The following SLC12A5 variants were observed in gnomAD, a reference collection of about 807,000 sequenced individuals.
SLC12A5 encodes K-Cl cotransporter 2.
Under a neutral mutation model 124.0 loss-of-function variants are expected in SLC12A5, and 18 were observed. That is an observed-to-expected ratio of 0.15 (90% CI 0.10 to 0.22). SLC12A5 has a LOEUF of 0.22. Among genes scored for constraint, SLC12A5 ranks in the 10% least tolerant of loss-of-function variants. The pLI is 1.00. For synonymous variants in SLC12A5, 589 were observed against 568.0 expected (o/e 1.04, Z -0.53); for missense variants, 867 against 1,478.7 (o/e 0.59, Z 6.78).
At position 46,041,245 on chromosome 20, in the gene SLC12A5, T is replaced by C. The variant is rs1299732878; in HGVS notation, c.855-84T>C. 1.1e-5 allele frequency: 14 copies of C among 1,228,232 alleles called. No individual in the cohort carries two copies. The East Asian group carries it at 3.2e-4, about 28-fold the overall frequency. 76.1% of individuals were successfully genotyped at this position (1,228,232 alleles called of 1,614,324 possible). Reference sequence around the variant, plus strand: ...ATATGGGGACCTGGCGTCCGTGTGTTTAAAAGGTCTCCCGGTGGCTGTATT... The same window carrying C: ...ATATGGGGACCTGGCGTCCGTGTGTCTAAAAGGTCTCCCGGTGGCTGTATT... On this transcript the variant is annotated intron_variant, in intron 7 of 25. Transcript: ENST00000243964.
rs748582718 is a variant in SLC12A5, at chr20:46,057,218, G to A, written c.3174G>A (p.Glu1058=). The part of the protein sequence containing the change: ...RRMHTAVRLN[E]VIVKKSRDAK... ...TGCACACGGCCGTGCGGCTGAACGA[G>A]GTCATCGTGAAGAAATCCCGGGACG... is the stretch of plus-strand genomic sequence containing the variant. Residue 1058 remains glutamate (E), a synonymous_variant, in exon 25 of 26, where the codon GAG becomes GAA. Transcript: ENST00000243964. The surrounding 1 kb of genome is among the most constrained non-coding windows in gnomAD (Gnocchi z 7.1). 5 of 1,614,208 alleles carry A rather than the reference G, an allele frequency of 3.1e-6. 1 individual carries two copies. In the South Asian group the frequency reaches 4.4e-5, roughly 14 times the overall value.
In SLC12A5 at chr20:46,029,366, T is replaced by A; in HGVS notation, c.22T>A (p.Cys8Ser). Residue 8 changes from cysteine to serine, a missense_variant, in exon 1 of 26, where the codon TGC becomes AGC. Transcript: ENST00000243964. ...CACCATGCTAAACAACCTGACGGAC[T>A]GCGAGGACGGCGATGGGGGAGCCAA... MLNNLTD[C>S]EDGDGGANPG... 1 of 1,540,880 alleles carries A rather than the reference T, an allele frequency of 6.5e-7. No homozygotes were observed. Among genetic ancestry groups the A allele is most frequent in the Non-Finnish European group, 8.8e-7 (1 of 1,141,596 alleles).
chr20:46,035,336 G>T, intron 2 of SLC12A5, 68 bp from the exon 3 acceptor site: 1 of 1,560,956 alleles, frequency 6.4e-7, no homozygotes, highest in Non-Finnish European at 8.7e-7. Flanking sequence ...CTCTTCCTCT[G>T]CCCTTCGCCA....
intron 1 of SLC12A5, among the ~76,000 whole-genome samples, chr20:46,031,476 T>C (rs1429907800): frequency 1.3e-5 from 2 of 152,306 alleles, no homozygotes; most frequent in East Asian, 3.9e-4. Context: ...CAAGAGCCCC[T>C]GACATCTCTG....
intron 5 of SLC12A5, 92 bp from the exon 6 acceptor site, chr20:46,037,163 A>T: frequency 6.7e-7 from 1 of 1,486,816 alleles, no homozygotes. Context: ...GCCTGGAGCA[A>T]CCCCCTTCTG....
Position 46,047,993 on chromosome 20 carries a change from G to A in SLC12A5, c.1920G>A (p.Glu640=), listed in dbSNP as rs777473085. ...TCCCGGCTCCCAGGGCAGAGAAGGA[G>A]TGGGGCGATGGGATACGAGGTCTGT... ...KYIEYRGAEK[E]WGDGIRGLSL... Residue 640 remains glutamate, a synonymous_variant, in exon 16 of 26, where the codon GAG becomes GAA. Transcript: ENST00000243964. 2 of 1,610,982 alleles carry A rather than the reference G, an allele frequency of 1.2e-6. No homozygotes were observed. The highest frequency in any genetic ancestry group is 1.7e-6 in the Non-Finnish European group (2 of 1,178,764).
chr20:46,042,220 A>G (rs1272185459), intron 8 of SLC12A5, among the ~76,000 whole-genome samples: 2 of 152,048 alleles, frequency 1.3e-5, no homozygotes, highest in East Asian at 3.9e-4. Context: ...CATTTTGGAG[A>G]GTTGGGACCA....
At chr20:46,052,526 T>C (rs2084655368) in intron 18 of SLC12A5, among the ~76,000 whole-genome samples, 1 of 152,084 alleles carries the variant, frequency 6.6e-6, no homozygotes, top group Non-Finnish European at 1.5e-5. Context: ...AACTACAGAG[T>C]AAATGAAAAA....
chr20:46,052,575 T>G (rs1273496753), intron 18 of SLC12A5, among the ~76,000 whole-genome samples: 2 of 152,244 alleles, frequency 1.3e-5, no homozygotes, highest in African/African-American at 2.4e-5. Context: ...AGCCAGGTTT[T>G]GAACCAGCCC....
chr20:46,022,088 C>A, intron 1 of SLC12A5: 9 of 382,318 alleles, frequency 2.4e-5, no homozygotes, highest in Admixed American at 6.8e-5. Context: ...GGGGAGGGGC[C>A]AAACGCGAGG....
chr20:46,030,653 C>T (rs991210095), intron 1 of SLC12A5, among the ~76,000 whole-genome samples: 32 of 152,240 alleles, frequency 2.1e-4, no homozygotes, highest in African/African-American at 6.8e-4. Context: ...CCGCAGATCC[C>T]TCTGGCGGAT....
chr20:46,036,033 C>A (rs997658339), intron 4 of SLC12A5, 110 bp downstream of exon 4: 3 of 1,321,318 alleles, frequency 2.3e-6, no homozygotes, highest in Non-Finnish European at 3.1e-6. Context: ...TTATAGGAAC[C>A]ACTGCTTATG....
chr20:46,047,870 T>C, intron 15 of SLC12A5, 111 bp from the exon 16 acceptor site: 1 of 1,078,914 alleles, frequency 9.3e-7, no homozygotes, highest in Non-Finnish European at 1.3e-6. Context: ...ACACATGTCC[T>C]TTCTGAGCCT....
Position 46,035,053 on chromosome 20 carries a change from A to AG in SLC12A5, c.147+14dup, listed in dbSNP as rs1243304806. ...ATGGCCTTGTTTGAGGTGGGCTGCT[A>AG]GGGCTGTTGGGCCCCCACCTACAAT... is the stretch of plus-strand genomic sequence containing the variant. On this transcript the variant is annotated intron_variant, in intron 2 of 25. Transcript: ENST00000243964. 1 of 1,613,138 alleles carries AG rather than the reference A, an allele frequency of 6.2e-7. No individual in the cohort carries two copies. Among genetic ancestry groups the AG allele is most frequent in the African/African-American group, 1.3e-5 (1 of 74,842 alleles).
Position 46,035,790 on chromosome 20 carries a change from G to A in SLC12A5, c.293G>A (p.Gly98Asp), listed in dbSNP as rs1045930238. Residue 98 changes from glycine (G) to aspartate (D), a missense_variant, in exon 4 of 26, where the codon GGC becomes GAC. By Grantham distance (94) the Gly-to-Asp change is moderately conservative. Transcript: ENST00000243964. ...KKKPVQAPRM[G>D]TFMGVYLPCL... Reference sequence around the variant, plus strand: ...CCTCCCTGGCAGGCCCCACGCATGGGCACCTTCATGGGCGTGTACCTGCCG... The same window carrying A: ...CCTCCCTGGCAGGCCCCACGCATGGACACCTTCATGGGCGTGTACCTGCCG... 5 of 1,613,042 alleles carry A rather than the reference G, an allele frequency of 3.1e-6. No individual in the cohort carries two copies. The highest frequency in any genetic ancestry group is 4.2e-6 in the Non-Finnish European group (5 of 1,179,364).
chr20:46,026,601 G>T (rs1300165510), upstream of SLC12A5, among the ~76,000 whole-genome samples: 1 of 152,252 alleles, frequency 6.6e-6, no homozygotes. Flanking sequence ...GGCTCCTTAG[G>T]AAGGGATATG....
Position 46,053,449 on chromosome 20 carries a change from G to C in SLC12A5, c.2548-129G>C. The stretch of plus-strand genomic sequence containing the variant: ...GTAGAGAGTGGCCCCAAAGACAGAG[G>C]ATTTGGGGTCTGCATGTATGTGTGA... On this transcript the variant is annotated intron_variant, in intron 19 of 25. Coordinates refer to ENST00000243964, the MANE Select transcript of SLC12A5 (RefSeq NM_020708.5). The surrounding 1 kb of genome is among the most constrained non-coding windows in gnomAD (Gnocchi z 4.7). The C allele has an allele frequency of 7.8e-7, 1 of 1,288,704 alleles. No individual in the cohort carries two copies. The allele number at this position is 1,288,704 out of a possible 1,614,324, so 79.8% of individuals were successfully genotyped here.
At chr20:46,026,188 G>A (rs537523531), upstream of SLC12A5, among the ~76,000 whole-genome samples, 22 of 152,306 alleles carry the variant, frequency 1.4e-4, no homozygotes, top group South Asian at 3.3e-3. Context: ...CCCAAATCCT[G>A]ACACTCAGGA....
At chr20:46,031,820 C>T (rs978680356) in intron 1 of SLC12A5, among the ~76,000 whole-genome samples, 3 of 152,212 alleles carry the variant, frequency 2.0e-5, no homozygotes, top group African/African-American at 7.2e-5. Context: ...CAGTCTGGCC[C>T]TGCCTCTCGC....
Sources: gnomAD v4.1 joint callset for allele counts (sites outside exome capture counted in the v4.1 genomes callset) on GRCh38, gnomAD v4.1.1 for gene constraint, Gnocchi (gnomAD v3.1) non-coding constraint, MANE v1.5 for transcripts, NCBI Gene and HGNC (gene_info 2026-07-23, HGNC 2026-07-21) for gene names.